The following PCDH15 variants were observed in gnomAD, a reference collection of about 807,000 sequenced individuals.
PCDH15 encodes protocadherin related 15.
PCDH15 carries 129 observed loss-of-function variants against 178.5 expected under a neutral mutation model. The ratio of observed to expected loss-of-function variants is 0.72; its 90% CI spans 0.63 to 0.84. The LOEUF is 0.84. PCDH15 is among the 40% of genes least tolerant of loss of function. PCDH15 has a pLI of 0.00. For missense variants in PCDH15, 2,230 were observed against 2,099.9 expected (o/e 1.06, Z -1.21); for synonymous variants, 800 against 732.0 (o/e 1.09, Z -1.50).
At chr10:54,858,398 G>A (rs1209641865) in intron 3 of PCDH15, among the ~76,000 whole-genome samples, 1 of 152,134 alleles carries the variant, frequency 6.6e-6, no homozygotes, top group Non-Finnish European at 1.5e-5. Flanking sequence ...TTGTATAGCT[G>A]TTAGGAAACT....
upstream of PCDH15, among the ~76,000 whole-genome samples, chr10:55,323,868 G>A (rs562250696): frequency 3.3e-5 from 5 of 152,174 alleles, no homozygotes; most frequent in African/African-American, 9.6e-5. Context: ...GGAGGTGTTG[G>A]GGTAGAATGA....
At chr10:55,097,312 T>C (rs922805111) in intron 2 of PCDH15, among the ~76,000 whole-genome samples, 6 of 152,146 alleles carry the variant, frequency 3.9e-5, no homozygotes, top group Non-Finnish European at 5.9e-5. Context: ...TAATCATGCC[T>C]GATGATAAAT....
At chr10:55,541,121 T>A (rs1182686713) in intron 2 of PCDH15, among the ~76,000 whole-genome samples, 1 of 152,036 alleles carries the variant, frequency 6.6e-6, no homozygotes, top group African/African-American at 2.4e-5. Flanking sequence ...ACTTTGCAAA[T>A]AGAGGCTAAG....
chr10:55,530,483 G>C (rs148227188), intron 2 of PCDH15, among the ~76,000 whole-genome samples: 2 of 152,050 alleles, frequency 1.3e-5, no homozygotes, highest in African/African-American at 4.8e-5. Context: ...GATCTATTCT[G>C]ATTCTGTAGG....
At chr10:54,846,717 T>C (rs147350085) in intron 3 of PCDH15, among the ~76,000 whole-genome samples, 1 of 152,274 alleles carries the variant, frequency 6.6e-6, no homozygotes, top group Non-Finnish European at 1.5e-5. Context: ...GAACTTGGCA[T>C]GACTTTCCTT....
intron 1 of PCDH15, among the ~76,000 whole-genome samples, chr10:55,277,070 T>G (rs185839883): frequency 6.6e-6 from 1 of 152,088 alleles, no homozygotes; most frequent in Non-Finnish European, 1.5e-5. Flanking sequence ...TAAAAAGATA[T>G]GTTGTAAAAT....
intron 2 of PCDH15, among the ~76,000 whole-genome samples, chr10:55,397,141 A>C (rs1261512027): frequency 2.0e-5 from 3 of 152,220 alleles, no homozygotes; most frequent in Non-Finnish European, 2.9e-5. Context: ...AGCTACAATA[A>C]TATTTCTAGT....
chr10:53,833,381 A>G (rs2077124412), intron 29 of PCDH15, among the ~76,000 whole-genome samples: 1 of 152,108 alleles, frequency 6.6e-6, no homozygotes, highest in African/African-American at 2.4e-5. Context: ...TTTTACTAGA[A>G]GGATGGATCA....
chr10:54,969,929 T>G (rs956646163), intron 2 of PCDH15, among the ~76,000 whole-genome samples: 4 of 152,220 alleles, frequency 2.6e-5, no homozygotes, highest in African/African-American at 9.6e-5. Flanking sequence ...GTTCCAATTA[T>G]TTGAAGAAAT....
intron 2 of PCDH15, among the ~76,000 whole-genome samples, chr10:55,388,979 T>C (rs1837729171): frequency 6.6e-6 from 1 of 152,118 alleles, no homozygotes; most frequent in Non-Finnish European, 1.5e-5. Context: ...GGAAATCACC[T>C]CATTGAATGA....
At chr10:55,075,703 C>T (rs117828508) in intron 2 of PCDH15, among the ~76,000 whole-genome samples, 1,775 of 149,736 alleles carry the variant, frequency 0.012, 11 homozygotes, top group Non-Finnish European at 0.018. Flanking sequence ...TTTTACTCCT[C>T]CTTTGTATTT....
chr10:54,182,955 TTTTA>T, intron 13 of PCDH15, among the ~76,000 whole-genome samples: 1 of 150,282 alleles, frequency 6.7e-6, no homozygotes, highest in Admixed American at 6.6e-5. Flanking sequence ...ATAGATATGC[TTTTA>T]TTTGTTTTTG....
intron 26 of PCDH15, among the ~76,000 whole-genome samples, chr10:53,873,318 A>G (rs192671806): frequency 3.3e-5 from 5 of 152,350 alleles, no homozygotes; most frequent in Non-Finnish European, 7.4e-5. Flanking sequence ...TCTTTAAATT[A>G]CCAAGTCCAT....
intron 1 of PCDH15, among the ~76,000 whole-genome samples, chr10:55,173,541 T>G (rs1441880064): frequency 3.3e-5 from 5 of 152,144 alleles, no homozygotes; most frequent in Non-Finnish European, 7.4e-5. Context: ...CATACATGTG[T>G]GGTTGAAAGC....
intron 2 of PCDH15, among the ~76,000 whole-genome samples, chr10:55,451,162 C>T (rs1839427272): frequency 6.6e-6 from 1 of 151,910 alleles, no homozygotes; most frequent in Non-Finnish European, 1.5e-5. Context: ...TTATGCCACA[C>T]TGCCCTGGCC....
At chr10:55,065,978 C>T (rs1841554750) in intron 2 of PCDH15, among the ~76,000 whole-genome samples, 2 of 151,958 alleles carry the variant, frequency 1.3e-5, no homozygotes, top group East Asian at 3.9e-4. Context: ...CCACTTTATA[C>T]ATACAAGTCC....
intron 3 of PCDH15, among the ~76,000 whole-genome samples, chr10:54,873,320 TA>T (rs1200708534): frequency 2.0e-5 from 3 of 151,988 alleles, no homozygotes; most frequent in Non-Finnish European, 4.4e-5. Flanking sequence ...AAATAAGGAT[TA>T]CCTTGTGAAA....
At chr10:55,287,789 C>T (rs1437831385) in intron 1 of PCDH15, among the ~76,000 whole-genome samples, 1 of 151,762 alleles carries the variant, frequency 6.6e-6, no homozygotes, top group African/African-American at 2.4e-5. Context: ...TGTGCTTAGC[C>T]GTTAGGACAT....
At chr10:54,722,066 G>C (rs779324970) in intron 1 of PCDH15, among the ~76,000 whole-genome samples, 38 of 151,608 alleles carry the variant, frequency 2.5e-4, no homozygotes, top group African/African-American at 8.7e-4. Flanking sequence ...TTCAACATAC[G>C]GTAATCAATA....
Sources: gnomAD v4.1 joint callset for allele counts (sites outside exome capture counted in the v4.1 genomes callset) on GRCh38, gnomAD v4.1.1 for gene constraint, MANE v1.5 for transcripts, NCBI Gene and HGNC (gene_info 2026-07-23, HGNC 2026-07-21) for gene names.